ATP10A: variants seen among roughly 807,000 people sequenced by gnomAD.
The protein encoded by ATP10A is ATPase phospholipid transporting 10A (putative), also known as phospholipid-transporting ATPase VA.
Under a neutral mutation model 147.8 loss-of-function variants are expected in ATP10A, and 111 were observed. That is an observed-to-expected ratio of 0.75 (90% confidence interval 0.64 to 0.88). The LOEUF is 0.88. Ranked by LOEUF, ATP10A falls within the 40% of genes least tolerant of loss-of-function variation. The pLI is 0.00. For synonymous variants in ATP10A, 875 were observed against 841.6 expected, an observed-to-expected ratio of 1.04 and a Z score of -0.69; for missense variants, 1,927 against 1,959.0, an observed-to-expected ratio of 0.98 and a Z score of 0.31.
intron 13 of ATP10A, among the ~76,000 whole-genome samples, chr15:25,697,573 G>C (rs551027743): frequency 6.6e-6 from 1 of 152,304 alleles, no homozygotes; most frequent in South Asian, 2.1e-4. Context: ...CAGAGAGACA[G>C]ACAGTCTTGG....
chr15:25,755,018 C>A (rs79371002), intron 2 of ATP10A, among the ~76,000 whole-genome samples: 39 of 152,214 alleles, frequency 2.6e-4, no homozygotes, highest in Admixed American at 9.2e-4. Flanking sequence ...ATACCCTATC[C>A]CACTTTGTCT....
At chr15:25,684,511 G>A (rs1359897334) in intron 16 of ATP10A, among the ~76,000 whole-genome samples, 2 of 152,188 alleles carry the variant, frequency 1.3e-5, no homozygotes, top group Admixed American at 6.5e-5. Flanking sequence ...GGTGGTGAGT[G>A]GTATCGTTAG....
chr15:25,823,532 C>T (rs538728258), intron 1 of ATP10A, among the ~76,000 whole-genome samples: 1 of 152,212 alleles, frequency 6.6e-6, no homozygotes, highest in East Asian at 1.9e-4. Context: ...AGTCAGATAC[C>T]CACTATGTTG....
Position 25,687,765 on chromosome 15 carries a change from G to T in ATP10A, c.3229C>A (p.His1077Asn). 6.2e-7 allele frequency: 1 copy of T among 1,613,640 alleles called. No individual in the cohort carries two copies. Among genetic ancestry groups the T allele is most frequent in the Non-Finnish European group, 8.5e-7 (1 of 1,179,644 alleles). Residue 1077 changes from histidine (H) to asparagine (N), a missense_variant, in exon 16 of 21, where the codon CAC becomes AAC. Transcript: ENST00000555815. ...FRYLERLLIL[H>N]GHWCYSRLAN... ...AGTCGGGAGTAGCACCAATGCCCGT[G>T]AAGAATCAAGAGCCTCTCCAGGTAT...
In ATP10A at chr15:25,721,710, A is replaced by G; in HGVS notation, c.1310T>C (p.Met437Thr). The change falls in exon 7 of 21, where the codon ATG becomes ACG. Residue 437 changes from methionine to threonine, a missense_variant. Met to Thr is a moderately conservative substitution (Grantham distance 81). Coordinates refer to ENST00000555815, the MANE Select transcript of ATP10A (RefSeq NM_024490.4). ...DKTGTLTENKMVFRRCTVSGV... is the reference protein window; with the variant it reads ...DKTGTLTENKTVFRRCTVSGV... ...AGACACAGTGCATCTTCGGAAAACC[A>G]TCTTATTCTCTGTCAAAGTGCCAGT... 6.2e-7 allele frequency: 1 copy of G among 1,614,106 alleles called. No homozygotes were observed.
At chr15:25,773,337 A>AAT (rs1889432993) in intron 2 of ATP10A, among the ~76,000 whole-genome samples, 1 of 152,132 alleles carries the variant, frequency 6.6e-6, no homozygotes, top group African/African-American at 2.4e-5. Flanking sequence ...AGATAACTCC[A>AAT]ATGTCTGCGG....
chr15:25,728,989 C>G (rs1007051656), intron 3 of ATP10A, among the ~76,000 whole-genome samples: 1 of 152,132 alleles, frequency 6.6e-6, no homozygotes, highest in East Asian at 1.9e-4. Context: ...GAGAGAGGCC[C>G]GGCCGAGGGC....
intron 2 of ATP10A, among the ~76,000 whole-genome samples, chr15:25,760,975 T>C (rs1159411036): frequency 2.0e-5 from 3 of 152,254 alleles, no homozygotes; most frequent in Admixed American, 6.5e-5. Flanking sequence ...TGAATTTTTA[T>C]AGCACATTTA....
At chr15:25,818,613 T>C (rs1452890145) in intron 1 of ATP10A, among the ~76,000 whole-genome samples, 11 of 152,076 alleles carry the variant, frequency 7.2e-5, no homozygotes, top group Admixed American at 7.2e-4. Context: ...CATCCTAAAA[T>C]TCATATGAAC....
At chr15:25,734,320 C>T (rs2140479890) in intron 3 of ATP10A, among the ~76,000 whole-genome samples, 1 of 152,334 alleles carries the variant, frequency 6.6e-6, no homozygotes, top group African/African-American at 2.4e-5. Context: ...GGAGTGCAGT[C>T]TTCAGAAGAG....
At chr15:25,745,197 G>T (rs1020576979) in intron 2 of ATP10A, among the ~76,000 whole-genome samples, 1 of 151,980 alleles carries the variant, frequency 6.6e-6, no homozygotes, top group Non-Finnish European at 1.5e-5. Flanking sequence ...GTGATGTCAC[G>T]TGTCTGTAAT....
intron 13 of ATP10A, 103 bp downstream of exon 13, chr15:25,701,813 C>T (rs753103445): frequency 2.7e-5 from 32 of 1,184,166 alleles, no homozygotes; most frequent in South Asian, 7.6e-5. Context: ...GGGTGAGGTC[C>T]TTCTAACAGC....
At chr15:25,768,143 C>G (rs897589982) in intron 2 of ATP10A, among the ~76,000 whole-genome samples, 1 of 152,058 alleles carries the variant, frequency 6.6e-6, no homozygotes, top group Non-Finnish European at 1.5e-5. Context: ...AAGTGCTGGG[C>G]CGGCATGACG....
At chr15:25,734,831 T>C (rs1887169041) in intron 3 of ATP10A, among the ~76,000 whole-genome samples, 1 of 152,162 alleles carries the variant, frequency 6.6e-6, no homozygotes, top group South Asian at 2.1e-4. Context: ...CAGAGTTCAC[T>C]TCCGTTGGGT....
intron 2 of ATP10A, among the ~76,000 whole-genome samples, chr15:25,771,314 A>G (rs535413005): frequency 6.6e-6 from 1 of 152,222 alleles, no homozygotes; most frequent in Admixed American, 6.5e-5. Context: ...TCACGCCTAT[A>G]ATCTCAGCAC....
chr15:25,695,922 G>T (rs904999774), intron 13 of ATP10A, among the ~76,000 whole-genome samples: 5 of 151,286 alleles, frequency 3.3e-5, no homozygotes, highest in Non-Finnish European at 7.4e-5. Flanking sequence ...CTCCAATTCT[G>T]CCAGGAAAAG....
chr15:25,831,594 G>A (rs1337829699), intron 1 of ATP10A, among the ~76,000 whole-genome samples: 2 of 152,128 alleles, frequency 1.3e-5, no homozygotes, highest in Non-Finnish European at 2.9e-5. Flanking sequence ...GATATTTTGT[G>A]TTTCCTGAGT....
At chr15:25,715,357 T>G (rs1901733675) in intron 9 of ATP10A, among the ~76,000 whole-genome samples, 2 of 152,196 alleles carry the variant, frequency 1.3e-5, no homozygotes, top group African/African-American at 2.4e-5. Flanking sequence ...TATGTGGGAA[T>G]AGAAATGCAC....
At chr15:25,716,665 G>A (rs947041872) in intron 9 of ATP10A, 65 bp downstream of exon 9, 5 of 1,425,546 alleles carry the variant, frequency 3.5e-6, no homozygotes, top group Non-Finnish European at 4.7e-6. Context: ...CCCTCAGGAG[G>A]ACTGACAACC....
Sources: gnomAD v4.1 joint callset for allele counts (sites outside exome capture counted in the v4.1 genomes callset) on GRCh38, gnomAD v4.1.1 for gene constraint, MANE v1.5 for transcripts, NCBI Gene and HGNC (gene_info 2026-07-23, HGNC 2026-07-21) for gene names.